Variants in ATP11A observed in about 807,000 individuals in gnomAD.
The protein encoded by ATP11A is ATPase phospholipid transporting 11A.
A neutral mutation model predicts 154.4 loss-of-function variants in ATP11A; 81 were observed. That is an observed-to-expected ratio of 0.52 (90% confidence interval 0.44 to 0.63). The LOEUF is 0.63. ATP11A is among the 30% of genes least tolerant of loss of function. The pLI is 0.00. For missense variants in ATP11A, 1,316 were observed against 1,474.3 expected, an observed-to-expected ratio of 0.89 and a Z score of 1.76; for synonymous variants, 623 against 585.9, an observed-to-expected ratio of 1.06 and a Z score of -0.91.
chr13:112,806,103 C>A (rs1257744116), intron 3 of ATP11A, 110 bp from the exon 4 acceptor site: 2 of 745,746 alleles, frequency 2.7e-6, no homozygotes, highest in Admixed American at 2.2e-5. Context: ...CAGCAAAGGT[C>A]TTTAAATAAG....
intron 1 of ATP11A, among the ~76,000 whole-genome samples, chr13:112,712,485 G>A (rs1887874857): frequency 1.3e-5 from 2 of 152,220 alleles, no homozygotes; most frequent in Admixed American, 1.3e-4. Flanking sequence ...AGGGTCTGGG[G>A]GTGGGGGATC....
At chr13:112,825,019 C>T (rs988135786) in intron 10 of ATP11A, among the ~76,000 whole-genome samples, 5 of 152,188 alleles carry the variant, frequency 3.3e-5, no homozygotes, top group Non-Finnish European at 7.3e-5. Flanking sequence ...CCCTCCCTCT[C>T]TTCCTTCCTC....
intron 1 of ATP11A, among the ~76,000 whole-genome samples, chr13:112,777,777 C>A (rs1193367532): frequency 6.6e-6 from 1 of 152,212 alleles, no homozygotes; most frequent in African/African-American, 2.4e-5. Context: ...GTCCTGAGCA[C>A]ACATATCAGG....
intron 7 of ATP11A, 36 bp from the exon 8 acceptor site, chr13:112,819,864 C>A: frequency 6.2e-7 from 1 of 1,613,188 alleles, no homozygotes; most frequent in South Asian, 1.1e-5. Flanking sequence ...GGCCGCTGGG[C>A]GCGTCCGGTC....
rs35149571 is a variant in ATP11A at position 112,875,603 on chromosome 13, AG to A, written c.3162-171del. Among the ~76,000 whole-genome samples the A allele has an allele frequency of 0.016, 2,405 of 151,584 alleles. 68 individuals are homozygous for A. Among genetic ancestry groups the A allele is most frequent in the African/African-American group, 0.055 (2,278 of 41,308 alleles). ...TTCCTCTTACCCCAGCATTACCGGG[AG>A]GTTCAGTGTTCATTTTTTATATGAT... On this transcript the variant is annotated intron_variant, in intron 27 of 29. Coordinates refer to ENST00000375645, the MANE Select transcript of ATP11A (RefSeq NM_015205.3). The surrounding 1 kb of genome is among the most constrained non-coding windows in gnomAD (Gnocchi z 4.1).
intron 1 of ATP11A, among the ~76,000 whole-genome samples, chr13:112,717,044 G>GGACACGA (rs1888547416): frequency 6.6e-6 from 1 of 152,184 alleles, no homozygotes; most frequent in Admixed American, 6.5e-5. Context: ...GATGAGTGGG[G>GGACACGA]GACACGAGTA....
At position 112,746,714 on chromosome 13, in the gene ATP11A, T is replaced by TAA. The variant is rs35958036; in HGVS notation, c.40-38403_40-38402dup. 2,002 of 127,304 alleles carry TAA rather than the reference T, an allele frequency of 0.016. 35 individuals are homozygous for TAA. Among genetic ancestry groups the TAA allele is most frequent in the Middle Eastern group, 0.029 (7 of 244 alleles). The allele number at this position is 127,304 out of a possible 1,614,324, so 7.9% of individuals were successfully genotyped here. A position where few individuals can be genotyped will look rare whatever the true frequency, so the allele number is the denominator to read the frequency against. The stretch of plus-strand genomic sequence containing the variant: ...GCGTGCACCACCATGCCTGGCTAAT[T>TAA]AAAAAAAAAAAAAAAAAAAGACAAC... On this transcript the variant is annotated intron_variant, in intron 1 of 29. Transcript: ENST00000375645. This position sits in a 1 kb window ranked among gnomAD's most constrained non-coding sequence, Gnocchi z 4.1.
chr13:112,842,538 A>C (rs1463617846), intron 17 of ATP11A, among the ~76,000 whole-genome samples, 159 bp downstream of exon 17: 1 of 152,236 alleles, frequency 6.6e-6, no homozygotes, highest in Non-Finnish European at 1.5e-5. Context: ...AGGCAGCCTC[A>C]GCCGGCACCG....
intron 1 of ATP11A, chr13:112,745,548 C>T (rs1243569337): frequency 6.6e-6 from 1 of 152,114 alleles, no homozygotes; most frequent in Non-Finnish European, 1.5e-5. Flanking sequence ...AAAGGATGCA[C>T]AATAAATATA....
intron 18 of ATP11A, chr13:112,851,480 T>C (rs948033377): frequency 2.6e-5 from 10 of 379,762 alleles, no homozygotes; most frequent in Middle Eastern, 7.1e-4. Context: ...CTTTGTCATA[T>C]CATATTATGA....
chr13:112,855,174 T>C (rs188439545), intron 19 of ATP11A, among the ~76,000 whole-genome samples: 1 of 152,354 alleles, frequency 6.6e-6, no homozygotes, highest in Admixed American at 6.5e-5. Context: ...TCTGCAGAAC[T>C]CCTTTTAGGG....
chr13:112,885,852 T>C lies in ATP11A; in HGVS notation c.*3986T>C, dbSNP rs920513983. 2.0e-5 allele frequency: 3 copies of C among 152,314 alleles called. No individual in the cohort carries two copies. Among genetic ancestry groups the C allele is most frequent in the African/African-American group, 7.2e-5 (3 of 41,462 alleles). The allele number at this position is 152,314 out of a possible 1,614,324, so 9.4% of individuals were successfully genotyped here. The stretch of plus-strand genomic sequence containing the variant: ...GAAGAGTCCCCCTCCTGGCAGAATG[T>C]CTGGGCTTTGCAGAGCAGGCCCCGG... On this transcript the variant is annotated 3_prime_UTR_variant, in exon 30 of 30. Transcript: ENST00000375645.
rs931492171 is a variant in ATP11A at position 112,746,739 on chromosome 13, C to G, written c.40-38396C>G. On this transcript the variant is annotated intron_variant, in intron 1 of 29. Coordinates refer to ENST00000375645, the MANE Select transcript of ATP11A (RefSeq NM_015205.3). This position sits in a 1 kb window ranked among gnomAD's most constrained non-coding sequence, Gnocchi z 4.1. ...TAAAAAAAAAAAAAAAAAAAGACAACTTTTTTTGGAGAGGGAGGGTCTCAT... is the reference window on the plus strand; with the variant it reads ...TAAAAAAAAAAAAAAAAAAAGACAAGTTTTTTTGGAGAGGGAGGGTCTCAT... The G allele has an allele frequency of 2.1e-5, 3 of 144,864 alleles. No homozygotes were observed. Among genetic ancestry groups the G allele is most frequent in the African/African-American group, 7.5e-5 (3 of 39,822 alleles). The allele number at this position is 144,864 out of a possible 1,614,324, so 9.0% of individuals were successfully genotyped here. A position where few individuals can be genotyped will look rare whatever the true frequency, so the allele number is the denominator to read the frequency against.
chr13:112,785,350 T>C lies in ATP11A; in HGVS notation c.162+93T>C. 7.6e-7 allele frequency: 1 copy of C among 1,307,776 alleles called. No homozygotes were observed. Among genetic ancestry groups the C allele is most frequent in the Non-Finnish European group, 9.9e-7 (1 of 1,014,464 alleles). 81.0% of individuals were successfully genotyped at this position (1,307,776 alleles called of 1,614,324 possible). The stretch of plus-strand genomic sequence containing the variant: ...TCTCGGTTTCAAAGAGCGGCTCTGC[T>C]CCTGGCCCTGCTGTCACAGCCACCA... On this transcript the variant is annotated intron_variant, in intron 2 of 29. Coordinates refer to ENST00000375645, the MANE Select transcript of ATP11A (RefSeq NM_015205.3). This position sits in a 1 kb window ranked among gnomAD's most constrained non-coding sequence, Gnocchi z 4.8.
Position 112,785,345 on chromosome 13 carries a change from T to C in ATP11A, c.162+88T>C. On this transcript the variant is annotated intron_variant, in intron 2 of 29. Transcript: ENST00000375645. This position sits in a 1 kb window ranked among gnomAD's most constrained non-coding sequence, Gnocchi z 4.8. ...GTGCTTCTCGGTTTCAAAGAGCGGC[T>C]CTGCTCCTGGCCCTGCTGTCACAGC... The C allele has an allele frequency of 7.5e-7, 1 of 1,325,074 alleles. No homozygotes were observed. The highest frequency in any genetic ancestry group is 2.3e-5 in the South Asian group (1 of 43,018). 82.1% of individuals were successfully genotyped at this position (1,325,074 alleles called of 1,614,324 possible).
At chr13:112,850,832 A>C (rs149300612) in intron 17 of ATP11A, among the ~76,000 whole-genome samples, 169 of 152,278 alleles carry the variant, frequency 1.1e-3, no homozygotes, top group Non-Finnish European at 1.7e-3. Context: ...TAAATAATTC[A>C]CTTGTTGATG....
chr13:112,826,977 C>T (rs1178133620), intron 12 of ATP11A, 86 bp downstream of exon 12: 30 of 1,399,918 alleles, frequency 2.1e-5, no homozygotes, highest in Non-Finnish European at 2.9e-5. Context: ...GCCTGTCATC[C>T]GAGCGTGGCT....
chr13:112,881,307 A>G, intron 29 of ATP11A: 1 of 1,000,570 alleles, frequency 1.0e-6, no homozygotes, highest in Non-Finnish European at 1.2e-6. Context: ...CCCCATCCGT[A>G]TGGTGACATC....
At chr13:112,878,193 G>C (rs1025623847) in intron 28 of ATP11A, 24 bp from the exon 29 acceptor site, 3 of 1,610,006 alleles carry the variant, frequency 1.9e-6, no homozygotes, top group Admixed American at 1.7e-5. Flanking sequence ...CCCTGTGTGC[G>C]TGGCCGCTGA....
Sources: gnomAD v4.1 joint callset for allele counts (sites outside exome capture counted in the v4.1 genomes callset) on GRCh38, gnomAD v4.1.1 for gene constraint, Gnocchi (gnomAD v3.1) non-coding constraint, MANE v1.5 for transcripts, NCBI Gene and HGNC (gene_info 2026-07-23, HGNC 2026-07-21) for gene names.